The following AOPEP variants were observed in gnomAD, a reference collection of about 807,000 sequenced individuals.
AOPEP encodes the protein aminopeptidase O (putative).
Under a neutral mutation model 98.1 loss-of-function variants are expected in AOPEP, and 77 were observed. That is an observed-to-expected ratio of 0.78 (90% CI 0.65 to 0.95). AOPEP has a LOEUF of 0.95. Among genes scored for constraint, AOPEP ranks in the 40% least tolerant of loss-of-function variants. The pLI is 0.00. For synonymous variants in AOPEP, 346 were observed against 365.3 expected, an observed-to-expected ratio of 0.95 and a Z score of 0.60; for missense variants, 1,024 against 1,024.7, an observed-to-expected ratio of 1.00 and a Z score of 0.01.
chr9:94,788,113 C>T (rs1302988614), intron 3 of AOPEP, among the ~76,000 whole-genome samples: 1 of 152,026 alleles, frequency 6.6e-6, no homozygotes, highest in Non-Finnish European at 1.5e-5. Flanking sequence ...CTCTGTCGCC[C>T]AGGCTGGAGT....
chr9:94,755,083 T>A (rs1339733704), intron 1 of AOPEP, among the ~76,000 whole-genome samples: 2 of 151,978 alleles, frequency 1.3e-5, no homozygotes, highest in Admixed American at 1.3e-4. Flanking sequence ...AGCACACTTA[T>A]TTTTTCTTTT....
intron 5 of AOPEP, among the ~76,000 whole-genome samples, chr9:94,865,098 GA>G (rs1485983051): frequency 6.6e-6 from 1 of 152,150 alleles, no homozygotes; most frequent in Non-Finnish European, 1.5e-5. Context: ...TAACTATGAT[GA>G]AGACCAGAAT....
chr9:94,768,810 G>A (rs1840219480), intron 2 of AOPEP, among the ~76,000 whole-genome samples: 1 of 152,196 alleles, frequency 6.6e-6, no homozygotes, highest in Non-Finnish European at 1.5e-5. Flanking sequence ...TGGTGAGAGA[G>A]TTTTCCTTTG....
intron 13 of AOPEP, among the ~76,000 whole-genome samples, chr9:95,034,456 A>G (rs752966344): frequency 6.6e-6 from 1 of 152,226 alleles, no homozygotes; most frequent in East Asian, 1.9e-4. Flanking sequence ...GGTCATTTAG[A>G]TGAGAGGATT....
intron 10 of AOPEP, among the ~76,000 whole-genome samples, chr9:94,968,535 C>A (rs1203400557): frequency 1.3e-5 from 2 of 151,878 alleles, no homozygotes; most frequent in Non-Finnish European, 2.9e-5. Flanking sequence ...TGCCACCACA[C>A]CCCACTAATT....
chr9:95,077,660 C>T (rs1022353526), intron 14 of AOPEP, among the ~76,000 whole-genome samples: 1 of 152,200 alleles, frequency 6.6e-6, no homozygotes, highest in Non-Finnish European at 1.5e-5. Flanking sequence ...CCTGCTTTCT[C>T]AGCTGCGGAG....
intron 5 of AOPEP, among the ~76,000 whole-genome samples, chr9:94,893,419 T>A (rs904794032): frequency 3.9e-5 from 6 of 152,114 alleles, no homozygotes; most frequent in Admixed American, 1.3e-4. Flanking sequence ...GGTGGCCTGG[T>A]TTCATGGATG....
chr9:95,084,545 C>T (rs1041123970), intron 16 of AOPEP, among the ~76,000 whole-genome samples: 10 of 152,156 alleles, frequency 6.6e-5, no homozygotes, highest in South Asian at 2.1e-4. Context: ...TTTGTTATTT[C>T]GTGGCGTACG....
intron 5 of AOPEP, among the ~76,000 whole-genome samples, chr9:94,867,434 T>G (rs1453612525): frequency 2.0e-5 from 3 of 152,212 alleles, no homozygotes; most frequent in African/African-American, 7.2e-5. Context: ...AGTGTCAGCC[T>G]CAGCAGTCCA....
At chr9:95,039,755 C>T (rs948214929) in intron 13 of AOPEP, among the ~76,000 whole-genome samples, 1 of 152,066 alleles carries the variant, frequency 6.6e-6, no homozygotes, top group Non-Finnish European at 1.5e-5. Context: ...TTCATTCATT[C>T]ATTCATTCAT....
At chr9:95,081,473 T>G (rs1433520364) in intron 15 of AOPEP, among the ~76,000 whole-genome samples, 1 of 152,174 alleles carries the variant, frequency 6.6e-6, no homozygotes, top group African/African-American at 2.4e-5. Context: ...TGGAGCTGCC[T>G]TCCAGCTGGG....
At position 94,828,590 on chromosome 9, in the gene AOPEP, A is replaced by G. The variant is rs141471005; in HGVS notation, c.1364+27588A>G. Among the ~76,000 whole-genome samples, 180 of 152,318 alleles carry G rather than the reference A, an allele frequency of 1.2e-3. 1 individual carries two copies. The East Asian group carries it at 0.016, about 14-fold the overall frequency. ...ACCTGGGGGCAAAGACAGCATTTCA[A>G]GAAATTTGAGAAGGTAGACTTTTGG... On this transcript the variant is annotated intron_variant, in intron 5 of 16. Coordinates refer to ENST00000375315, the MANE Select transcript of AOPEP (RefSeq NM_001193329.3).
At chr9:94,785,893 G>A (rs1257387105) in intron 3 of AOPEP, among the ~76,000 whole-genome samples, 2 of 152,300 alleles carry the variant, frequency 1.3e-5, no homozygotes, top group East Asian at 1.9e-4. Context: ...CATTCTATAT[G>A]AAGTCATACA....
chr9:95,114,730 C>A, the AOPEP span: 1 of 1,606,572 alleles, frequency 6.2e-7, no homozygotes, highest in East Asian at 2.2e-5. Flanking sequence ...GAGAGAGATA[C>A]GTCAGAGGGC....
At chr9:94,948,302 C>T (rs80146987) in intron 7 of AOPEP, among the ~76,000 whole-genome samples, 1,617 of 152,012 alleles carry the variant, frequency 0.011, 32 homozygotes, top group African/African-American at 0.038. Context: ...TTGTATAAAG[C>T]CGTGAAACAA....
intron 5 of AOPEP, among the ~76,000 whole-genome samples, chr9:94,923,522 ATTC>A (rs1350448014): frequency 2.0e-5 from 3 of 152,146 alleles, no homozygotes; most frequent in African/African-American, 4.8e-5. Context: ...TTTCTGCTCC[ATTC>A]TTCTTGGCTT....
intron 1 of AOPEP, among the ~76,000 whole-genome samples, chr9:94,736,649 C>T (rs760636279): frequency 1.3e-5 from 2 of 152,126 alleles, no homozygotes; most frequent in African/African-American, 4.8e-5. Context: ...CTGATACCAC[C>T]TTCATCTTTA....
chr9:94,900,108 C>T (rs1446865110), intron 5 of AOPEP, among the ~76,000 whole-genome samples: 1 of 152,130 alleles, frequency 6.6e-6, no homozygotes, highest in Non-Finnish European at 1.5e-5. Flanking sequence ...GAGCACTGGG[C>T]AGGGGGGTCA....
chr9:95,112,016 C>T, the AOPEP span, among the ~76,000 whole-genome samples: 29 of 152,162 alleles, frequency 1.9e-4, no homozygotes, highest in Admixed American at 9.8e-4. Flanking sequence ...GAGGGTAGGA[C>T]GCAGGCAGAA....
Sources: gnomAD v4.1 joint callset for allele counts (sites outside exome capture counted in the v4.1 genomes callset) on GRCh38, gnomAD v4.1.1 for gene constraint, MANE v1.5 for transcripts, NCBI Gene and HGNC (gene_info 2026-07-23, HGNC 2026-07-21) for gene names.